SECISBP2L: variants seen among roughly 807,000 people sequenced by gnomAD.
SECISBP2L encodes the protein selenocysteine insertion sequence-binding protein 2-like.
In SECISBP2L, 43 loss-of-function variants were observed where a neutral mutation model predicts 114.7. That is an observed-to-expected ratio of 0.38 (90% CI 0.29 to 0.48). The LOEUF (loss-of-function observed/expected upper bound fraction) is 0.48, where lower values mean the gene tolerates loss of function less well. Ranked by LOEUF, SECISBP2L falls within the 20% of genes least tolerant of loss-of-function variation. SECISBP2L has a pLI of 0.98. For missense variants in SECISBP2L, 1,136 were observed against 1,301.1 expected (o/e 0.87, Z 1.95); for synonymous variants, 451 against 439.7 (o/e 1.03, Z -0.32).
At position 49,001,046 on chromosome 15, in the gene SECISBP2L, A is replaced by G; in HGVS notation, c.2079T>C (p.Leu693=). The G allele has an allele frequency of 6.2e-6, 10 of 1,613,712 alleles. No individual in the cohort carries two copies. The highest frequency in any genetic ancestry group is 8.5e-6 in the Non-Finnish European group (10 of 1,179,852). ...CKEIDECVTL[L]LQELVSFQER... ...CCTGGAAACTGACAAGCTCTTGGAG[A>G]AGAAGAGTCACACATTCATCAATCT... Residue 693 remains leucine, a synonymous_variant, in exon 15 of 18, where the codon CTT becomes CTC. Coordinates refer to ENST00000559471, the MANE Select transcript of SECISBP2L (RefSeq NM_001193489.2).
At chr15:49,030,053 A>C (rs1181876777) in intron 4 of SECISBP2L, among the ~76,000 whole-genome samples, 3 of 151,922 alleles carry the variant, frequency 2.0e-5, no homozygotes, top group Non-Finnish European at 4.4e-5. Flanking sequence ...AGTCCAAAAA[A>C]AAAAAACAAA....
chr15:49,034,669 GT>G (rs58267682), intron 3 of SECISBP2L, among the ~76,000 whole-genome samples: 21 of 132,124 alleles, frequency 1.6e-4, no homozygotes, highest in South Asian at 2.4e-4. Context: ...TATATCTTTT[GT>G]TTTTTTTTTT....
At chr15:49,009,097 G>A (rs1902382777) in intron 14 of SECISBP2L, 119 bp downstream of exon 14, 33 of 1,101,694 alleles carry the variant, frequency 3.0e-5, no homozygotes, top group Non-Finnish European at 3.9e-5. Context: ...TCCGAAAGGA[G>A]TTAAAGATCT....
intron 7 of SECISBP2L, among the ~76,000 whole-genome samples, chr15:49,024,161 A>C (rs1054058708): frequency 6.6e-6 from 1 of 152,190 alleles, no homozygotes; most frequent in Non-Finnish European, 1.5e-5. Flanking sequence ...AGGTGCAAAA[A>C]TATGATAAAC....
intron 8 of SECISBP2L, among the ~76,000 whole-genome samples, chr15:49,018,485 T>C (rs1902581476): frequency 6.6e-6 from 1 of 152,104 alleles, no homozygotes; most frequent in South Asian, 2.1e-4. Flanking sequence ...CTCGAACTCC[T>C]GACCTCAAGT....
At position 49,003,481 on chromosome 15, in the gene SECISBP2L, T is replaced by C. The variant is rs539779288; in HGVS notation, c.2028-2384A>G. Among the ~76,000 whole-genome samples, 5 of 152,326 alleles carry C rather than the reference T, an allele frequency of 3.3e-5. No homozygotes were observed. The South Asian group carries it at 8.3e-4, about 25-fold the overall frequency. On this transcript the variant is annotated intron_variant, in intron 14 of 17. Transcript: ENST00000559471. ...CCAGAACTTCCAACACTATGTTGAA[T>C]AGGAGCAGTGAGAGAGGGCATCCTT...
chr15:49,023,194 A>C (rs1465683609), intron 7 of SECISBP2L, among the ~76,000 whole-genome samples: 12 of 152,218 alleles, frequency 7.9e-5, no homozygotes, highest in Admixed American at 7.9e-4. Context: ...AAATACTCCA[A>C]GTAACTTCAG....
intron 2 of SECISBP2L, among the ~76,000 whole-genome samples, chr15:49,036,935 G>A (rs1212950064): frequency 6.6e-6 from 1 of 152,104 alleles, no homozygotes; most frequent in African/African-American, 2.4e-5. Context: ...TTTTCTGTGT[G>A]ACATAACTTG....
chr15:49,013,444 G>C (rs1380213999), intron 11 of SECISBP2L, among the ~76,000 whole-genome samples: 1 of 152,030 alleles, frequency 6.6e-6, no homozygotes, highest in East Asian at 1.9e-4. Context: ...TTACAGGCAC[G>C]TGCCACCACG....
chr15:49,035,447 T>C lies in SECISBP2L; in HGVS notation c.415A>G (p.Thr139Ala), dbSNP rs753167931. 1.6e-5 allele frequency: 26 copies of C among 1,614,032 alleles called. No individual in the cohort carries two copies. Among genetic ancestry groups the C allele is most frequent in the Non-Finnish European group, 2.2e-5 (26 of 1,180,020 alleles). ...CATTCTGTGGTGATAGCATTTACAG[T>C]ATTTGCAGCCTGAAAGGTGTTGGAG... ...PYSNTFQAAN[T>A]VNAITTECTE... is the part of the protein sequence containing the mutation. Residue 139 changes from threonine to alanine, a missense_variant, in exon 3 of 18, where the codon ACT (threonine) becomes GCT (alanine). Coordinates refer to ENST00000559471, the MANE Select transcript of SECISBP2L (RefSeq NM_001193489.2).
intron 17 of SECISBP2L, 34 bp downstream of exon 17, chr15:48,996,333 T>G (rs776815458): frequency 6.4e-7 from 1 of 1,551,350 alleles, no homozygotes; most frequent in Non-Finnish European, 8.9e-7. Context: ...CATCTCATGG[T>G]TTAAGTCATT....
chr15:49,021,736 C>T (rs1826706460), intron 7 of SECISBP2L, among the ~76,000 whole-genome samples: 1 of 152,180 alleles, frequency 6.6e-6, no homozygotes, highest in African/African-American at 2.4e-5. Context: ...GATTCTTACA[C>T]TTCGAGACAT....
In SECISBP2L at chr15:49,013,366, G is replaced by A. The variant is rs554668702; in HGVS notation, c.1562-549C>T. On this transcript the variant is annotated intron_variant, in intron 11 of 17. Coordinates refer to ENST00000559471, the MANE Select transcript of SECISBP2L (RefSeq NM_001193489.2). Reference sequence around the variant, plus strand: ...AGCTGCAGTGCAGTGGCACGATCTCGGCTCACTGAAACCTCCACCTCCTGG... The same window carrying A: ...AGCTGCAGTGCAGTGGCACGATCTCAGCTCACTGAAACCTCCACCTCCTGG... Among the ~76,000 whole-genome samples, 11 of 152,048 alleles carry A rather than the reference G, an allele frequency of 7.2e-5. No individual in the cohort carries two copies. The South Asian group carries it at 1.0e-3, about 14-fold the overall frequency.
At chr15:49,011,990 G>A (rs1273194879) in intron 12 of SECISBP2L, 127 bp from the exon 13 acceptor site, 3 of 934,632 alleles carry the variant, frequency 3.2e-6, no homozygotes, top group East Asian at 2.5e-5. Flanking sequence ...TTGGCTAACT[G>A]GCAAAAAGGC....
intron 14 of SECISBP2L, among the ~76,000 whole-genome samples, chr15:49,004,619 C>T (rs1234840359): frequency 2.6e-5 from 4 of 152,330 alleles, no homozygotes; most frequent in African/African-American, 9.6e-5. Context: ...CCCAGAGATT[C>T]TAGTACGTTG....
intron 14 of SECISBP2L, among the ~76,000 whole-genome samples, chr15:49,002,851 T>C (rs755348071): frequency 7.2e-5 from 11 of 152,358 alleles, no homozygotes; most frequent in Middle Eastern, 3.4e-3. Flanking sequence ...TTTTGGTTAC[T>C]GTAGCCTTGT....
Position 48,999,899 on chromosome 15 carries a change from T to C in SECISBP2L, c.2337A>G (p.Leu779=), listed in dbSNP as rs1261802635. The C allele has an allele frequency of 1.9e-6, 3 of 1,613,946 alleles. No homozygotes were observed. The highest frequency in any genetic ancestry group is 1.3e-5 in the African/African-American group (1 of 74,910). ...PFVFALGRKA[L]GRCVNKLVPV... ...GAACCAGCTTGTTCACACAGCGTCC[T>C]AGAGCTTTCCTTCCAAGGGCAAACA... is the stretch of plus-strand genomic sequence containing the variant. The change falls in exon 16 of 18, where the codon CTA becomes CTG. Residue 779 remains leucine (L), a synonymous_variant. Coordinates refer to ENST00000559471, the MANE Select transcript of SECISBP2L (RefSeq NM_001193489.2).
At chr15:49,000,010 A>G (rs917742813) in intron 15 of SECISBP2L, 23 bp from the exon 16 acceptor site, 5 of 1,611,646 alleles carry the variant, frequency 3.1e-6, no homozygotes, top group Admixed American at 1.7e-5. Flanking sequence ...ACACATGCAG[A>G]CGCCTTTAGT....
Position 48,992,460 on chromosome 15 carries a change from G to A in SECISBP2L, c.3090C>T (p.Thr1030=), listed in dbSNP as rs1902002006. The A allele has an allele frequency of 6.2e-7, 1 of 1,614,000 alleles. No individual in the cohort carries two copies. Among genetic ancestry groups the A allele is most frequent in the African/African-American group, 1.3e-5 (1 of 74,892 alleles). ...CATTAAGGGTTTTTCCAAGCTGAAG[G>A]GTTTCCATAGTTCTCTGGGTCTCTG... ...WVSETQRTME[T]LQLGKTLNGS... is the part of the protein sequence containing the mutation. Residue 1030 remains threonine (T), a synonymous_variant, in exon 18 of 18, where the codon ACC becomes ACT. Transcript: ENST00000559471.
Sources: gnomAD v4.1 joint callset for allele counts (sites outside exome capture counted in the v4.1 genomes callset) on GRCh38, gnomAD v4.1.1 for gene constraint, MANE v1.5 for transcripts, NCBI Gene and HGNC (gene_info 2026-07-23, HGNC 2026-07-21) for gene names.